The following SHISA9 variants were observed in gnomAD, a reference collection of about 807,000 sequenced individuals.
SHISA9 encodes protein shisa-9.
A neutral mutation model predicts 38.0 loss-of-function variants in SHISA9; 13 were observed. That is an observed-to-expected ratio of 0.34 (90% CI 0.22 to 0.54). SHISA9 has a LOEUF of 0.54. Among genes scored for constraint, SHISA9 ranks in the 20% least tolerant of loss-of-function variants. SHISA9 has a pLI of 0.91. For missense variants in SHISA9, 538 were observed against 575.8 expected (o/e 0.93, Z 0.67); for synonymous variants, 275 against 242.0 (o/e 1.14, Z -1.27).
chr16:13,010,045 G>C lies in SHISA9; in HGVS notation c.691+93230G>C, dbSNP rs1422961103. Among the ~76,000 whole-genome samples the C allele has an allele frequency of 2.6e-5, 4 of 152,196 alleles. No individual in the cohort carries two copies. In the East Asian group the frequency reaches 5.8e-4, roughly 22 times the overall value. On this transcript the variant is annotated intron_variant, in intron 2 of 4. Coordinates refer to ENST00000558583, the MANE Select transcript of SHISA9 (RefSeq NM_001145204.3). ...TAAAAAAAATTAGCTGGTTGTGGTGGTACACACCTGTGGTCCCAGCTACTC... is the reference window on the plus strand; with the variant it reads ...TAAAAAAAATTAGCTGGTTGTGGTGCTACACACCTGTGGTCCCAGCTACTC...
intron 2 of SHISA9, among the ~76,000 whole-genome samples, chr16:13,042,729 TCA>T (rs1188703242): frequency 6.6e-6 from 1 of 152,198 alleles, no homozygotes; most frequent in African/African-American, 2.4e-5. Context: ...TATTCTCTAG[TCA>T]CACCATCTTT....
the SHISA9 span, among the ~76,000 whole-genome samples, chr16:13,248,227 C>T: frequency 9.9e-5 from 15 of 152,110 alleles, no homozygotes; most frequent in Non-Finnish European, 1.5e-4. Context: ...ATTTAGAGAA[C>T]ACTGCTGAGT....
the SHISA9 span, among the ~76,000 whole-genome samples, chr16:13,496,846 A>G: frequency 1.3e-5 from 2 of 152,202 alleles, no homozygotes; most frequent in African/African-American, 2.4e-5. Flanking sequence ...AGAGATGAAG[A>G]TATATCAGTG....
chr16:13,196,082 T>C (rs1237693494), intron 2 of SHISA9, among the ~76,000 whole-genome samples: 280 of 34,024 alleles, frequency 8.2e-3, no homozygotes, highest in East Asian at 0.016. Flanking sequence ...AGCAAGACTC[T>C]CTCTCAAAAA....
At chr16:13,167,019 G>T (rs1341386856) in intron 2 of SHISA9, among the ~76,000 whole-genome samples, 1 of 150,392 alleles carries the variant, frequency 6.6e-6, no homozygotes, top group African/African-American at 2.4e-5. Flanking sequence ...TCCTTTAGGA[G>T]AATTTTTTTT....
chr16:13,462,566 G>A, the SHISA9 span, among the ~76,000 whole-genome samples: 19 of 151,990 alleles, frequency 1.3e-4, no homozygotes, highest in Admixed American at 4.6e-4. Context: ...GCTCACACCT[G>A]TAATCCCAGC....
At chr16:13,320,845 T>C in the SHISA9 span, among the ~76,000 whole-genome samples, 1 of 152,246 alleles carries the variant, frequency 6.6e-6, no homozygotes, top group Non-Finnish European at 1.5e-5. Context: ...TAGACCTCCC[T>C]GTCACCATTT....
intron 2 of SHISA9, among the ~76,000 whole-genome samples, chr16:13,055,149 T>C (rs1294871380): frequency 6.6e-6 from 1 of 152,242 alleles, no homozygotes; most frequent in East Asian, 1.9e-4. Context: ...TTCAGTTGTA[T>C]TATTTTATAT....
At position 12,929,802 on chromosome 16, in the gene SHISA9, T is replaced by C. The variant is rs550742619; in HGVS notation, c.691+12987T>C. 2.0e-5 allele frequency among the ~76,000 whole-genome samples: 3 copies of C among 152,100 alleles called. No homozygotes were observed. The East Asian group carries it at 5.8e-4, about 29-fold the overall frequency. ...CGTAGCCCTGCACTTAAAATAAAAG[T>C]TGAAGGGAAAAAAACATGTTTTAAA... On this transcript the variant is annotated intron_variant, in intron 2 of 4. Transcript: ENST00000558583.
At chr16:13,377,309 C>T in the SHISA9 span, among the ~76,000 whole-genome samples, 1 of 152,196 alleles carries the variant, frequency 6.6e-6, no homozygotes, top group African/African-American at 2.4e-5. Flanking sequence ...TTCAGAGCAG[C>T]CGTGTACTCA....
At chr16:12,903,328 C>A (rs559538938) in intron 1 of SHISA9, among the ~76,000 whole-genome samples, 78 of 152,290 alleles carry the variant, frequency 5.1e-4, no homozygotes, top group African/African-American at 1.7e-3. Flanking sequence ...AGATTGAGCC[C>A]CTTGCCCTGG....
At chr16:13,363,913 C>G in the SHISA9 span, among the ~76,000 whole-genome samples, 2 of 151,972 alleles carry the variant, frequency 1.3e-5, no homozygotes, top group Non-Finnish European at 2.9e-5. Context: ...GTTATAAATG[C>G]ACATTGTCAG....
At chr16:13,056,316 G>C (rs1366676337) in intron 2 of SHISA9, among the ~76,000 whole-genome samples, 1 of 152,162 alleles carries the variant, frequency 6.6e-6, no homozygotes, top group Non-Finnish European at 1.5e-5. Flanking sequence ...ACATTTTACA[G>C]GGTGGAGGCA....
chr16:12,975,569 G>A (rs2072147589), intron 2 of SHISA9, among the ~76,000 whole-genome samples: 2 of 142,228 alleles, frequency 1.4e-5, no homozygotes, highest in African/African-American at 2.6e-5. Context: ...TGCAAGTTGT[G>A]TGTTTAAGGA....
chr16:12,921,523 A>G (rs1228982444), intron 2 of SHISA9, among the ~76,000 whole-genome samples: 1 of 152,178 alleles, frequency 6.6e-6, no homozygotes, highest in Non-Finnish European at 1.5e-5. Context: ...GTGCTTTAGG[A>G]GGCAAAGGCG....
At chr16:13,181,334 CAT>C (rs1555468752) in intron 2 of SHISA9, among the ~76,000 whole-genome samples, 3 of 128,758 alleles carry the variant, frequency 2.3e-5, no homozygotes, top group Admixed American at 7.8e-5. Context: ...CACACACACA[CAT>C]ATACGAGCAA....
intron 2 of SHISA9, among the ~76,000 whole-genome samples, chr16:13,002,633 A>C (rs991214838): frequency 4.0e-5 from 6 of 151,296 alleles, no homozygotes; most frequent in Non-Finnish European, 8.8e-5. Context: ...CCTGGGCTCA[A>C]GCAATTCTCC....
At chr16:13,316,330 G>A in the SHISA9 span, among the ~76,000 whole-genome samples, 1 of 152,200 alleles carries the variant, frequency 6.6e-6, no homozygotes, top group African/African-American at 2.4e-5. Context: ...ATTTCCTTCT[G>A]TCTAGGGGAT....
the SHISA9 span, among the ~76,000 whole-genome samples, chr16:13,520,499 A>T: frequency 6.9e-6 from 1 of 144,462 alleles, no homozygotes; most frequent in East Asian, 2.3e-4. Flanking sequence ...GCTACTTGGG[A>T]GGCTGAGGTG....
Sources: allele counts gnomAD v4.1 joint callset (sites outside exome capture counted in the v4.1 genomes callset), GRCh38; gene constraint gnomAD v4.1.1; transcripts MANE v1.5; gene names NCBI Gene and HGNC (gene_info 2026-07-23, HGNC 2026-07-21).